Variants in CCDC141 observed in about 807,000 individuals in gnomAD.
The protein encoded by CCDC141 is coiled-coil domain containing 141.
Under a neutral mutation model 181.0 loss-of-function variants are expected in CCDC141, and 168 were observed. That is an observed-to-expected ratio of 0.93 (90% CI 0.82 to 1.05). The LOEUF is 1.05. CCDC141 is among the 50% of genes least tolerant of loss of function. The probability of loss-of-function intolerance (pLI) is 0.00; values close to 1 mark genes in which losing one functional copy is unlikely to be tolerated. For synonymous variants in CCDC141, 666 were observed against 642.3 expected, an observed-to-expected ratio of 1.04 and a Z score of -0.56; for missense variants, 1,902 against 1,788.5, an observed-to-expected ratio of 1.06 and a Z score of -1.14.
intron 21 of CCDC141, among the ~76,000 whole-genome samples, chr2:178,846,996 T>C (rs1684967138): frequency 6.6e-6 from 1 of 152,178 alleles, no homozygotes; most frequent in Admixed American, 6.5e-5. Flanking sequence ...AAAATAGACA[T>C]TTGCTCTCTT....
intron 5 of CCDC141, among the ~76,000 whole-genome samples, chr2:178,947,665 A>C (rs1049686725): frequency 3.3e-5 from 5 of 152,152 alleles, no homozygotes; most frequent in African/African-American, 1.2e-4. Flanking sequence ...GAGAAAAAGG[A>C]AAGTCAGCAA....
At chr2:178,985,934 A>C (rs1173559110) in intron 2 of CCDC141, among the ~76,000 whole-genome samples, 1 of 152,210 alleles carries the variant, frequency 6.6e-6, no homozygotes, top group Non-Finnish European at 1.5e-5. Flanking sequence ...TCCAATCAAT[A>C]GAAAAAGAGG....
At chr2:178,944,415 A>G (rs1558997498) in intron 6 of CCDC141, 120 bp downstream of exon 6, 1 of 455,028 alleles carries the variant, frequency 2.2e-6, no homozygotes, top group Non-Finnish European at 3.8e-6. Context: ...ATTTTTTTAC[A>G]TGAACAGTAG....
chr2:178,893,253 A>C (rs1575179568), intron 8 of CCDC141, among the ~76,000 whole-genome samples: 1 of 150,536 alleles, frequency 6.6e-6, no homozygotes, highest in Non-Finnish European at 1.5e-5. Flanking sequence ...GCACAGACGT[A>C]TTGACTTCTG....
chr2:178,961,320 C>A lies in CCDC141; in HGVS notation c.690G>T (p.Arg230Ser), dbSNP rs1690386295. 6.4e-7 allele frequency: 1 copy of A among 1,550,524 alleles called. No homozygotes were observed. The highest frequency in any genetic ancestry group is 8.7e-7 in the Non-Finnish European group (1 of 1,146,930). Residue 230 changes from arginine (R) to serine (S), a missense_variant, in exon 5 of 24, where the codon AGG becomes AGT. Transcript: ENST00000443758. ...TCAAGTACTTGTCTAGTTGTCTTCT[C>A]CTGTCTTGTAGAAGTTCAAGAAGGC... Reference protein sequence around the residue: ...VDRLLELLQDRRRQLDKYLKQ... With the variant: ...VDRLLELLQDSRRQLDKYLKQ...
At chr2:178,882,666 A>G (rs1312855601) in intron 11 of CCDC141, among the ~76,000 whole-genome samples, 1 of 152,070 alleles carries the variant, frequency 6.6e-6, no homozygotes, top group East Asian at 1.9e-4. Context: ...GAGAATTGCT[A>G]CCAAATGGGA....
intron 2 of CCDC141, among the ~76,000 whole-genome samples, chr2:179,014,037 G>A (rs1285206757): frequency 6.7e-6 from 1 of 148,478 alleles, no homozygotes; most frequent in African/African-American, 2.5e-5. Flanking sequence ...ATACTATAAG[G>A]CCATAGTCAC....
At chr2:178,816,589 T>C in the CCDC141 span, among the ~76,000 whole-genome samples, 711 of 152,226 alleles carry the variant, frequency 4.7e-3, 1 homozygote, top group Non-Finnish European at 7.4e-3. Flanking sequence ...ATGACAAGAG[T>C]ATGTTCAGTT....
At chr2:178,849,947 C>T in intron 21 of CCDC141, 102 bp downstream of exon 21, 3 of 654,694 alleles carry the variant, frequency 4.6e-6, no homozygotes, top group South Asian at 2.0e-5. Context: ...CATTATGTAC[C>T]CTGAGAAATT....
chr2:178,979,359 T>G (rs1159065809), intron 2 of CCDC141, among the ~76,000 whole-genome samples: 1 of 151,940 alleles, frequency 6.6e-6, no homozygotes, highest in Non-Finnish European at 1.5e-5. Flanking sequence ...ATGAATAAAT[T>G]CTAAAATATC....
chr2:178,842,220 C>T (rs1306023348), intron 22 of CCDC141, among the ~76,000 whole-genome samples: 1 of 152,216 alleles, frequency 6.6e-6, no homozygotes, highest in East Asian at 1.9e-4. Flanking sequence ...CATAGCTCAA[C>T]TCTCAATCTG....
chr2:178,852,191 T>G (rs901724784), intron 20 of CCDC141, among the ~76,000 whole-genome samples: 1 of 152,186 alleles, frequency 6.6e-6, no homozygotes, highest in Non-Finnish European at 1.5e-5. Context: ...GCCAGGAATA[T>G]AAACAAAGCC....
At chr2:178,929,956 C>T (rs923441617) in intron 6 of CCDC141, among the ~76,000 whole-genome samples, 1 of 152,050 alleles carries the variant, frequency 6.6e-6, no homozygotes, top group Non-Finnish European at 1.5e-5. Flanking sequence ...CTAGAATACA[C>T]TGAAGTAGCA....
intron 4 of CCDC141, among the ~76,000 whole-genome samples, chr2:178,965,102 G>A (rs1163848318): frequency 6.6e-6 from 1 of 152,178 alleles, no homozygotes; most frequent in Admixed American, 6.5e-5. Flanking sequence ...TTCCAAATGA[G>A]TACTTTCTAA....
the CCDC141 span, among the ~76,000 whole-genome samples, chr2:178,816,884 G>C: frequency 6.6e-6 from 1 of 152,170 alleles, no homozygotes; most frequent in Non-Finnish European, 1.5e-5. Context: ...CTCATTCCCT[G>C]AGTAAATCAT....
intron 6 of CCDC141, among the ~76,000 whole-genome samples, chr2:178,933,139 G>A (rs6761779): frequency 0.98 from 148,644 of 152,280 alleles, 72,642 homozygotes; most frequent in Middle Eastern, 1. Context: ...TTAATCTTGA[G>A]GCTGAGATAC....
intron 2 of CCDC141, among the ~76,000 whole-genome samples, chr2:179,020,899 T>C (rs1465079683): frequency 6.6e-6 from 1 of 152,146 alleles, no homozygotes; most frequent in Non-Finnish European, 1.5e-5. Context: ...TAAATGTTGA[T>C]GGAATAAATA....
chr2:178,987,664 G>A lies in CCDC141; in HGVS notation c.226-8989C>T, dbSNP rs1691820686. On this transcript the variant is annotated intron_variant, in intron 2 of 23. Coordinates refer to ENST00000443758, the MANE Select transcript of CCDC141 (RefSeq NM_173648.4). ...CCATCAAAAAGTGGGCGAAGGACAT[G>A]AACAGACACTTCTCAAAAGAAGACA... Among the ~76,000 whole-genome samples the A allele has an allele frequency of 7.3e-5, 11 of 150,034 alleles. No homozygotes were observed. In the South Asian group the frequency reaches 2.4e-3, roughly 33 times the overall value.
intron 5 of CCDC141, among the ~76,000 whole-genome samples, chr2:178,952,352 G>A (rs1689983846): frequency 6.6e-6 from 1 of 152,182 alleles, no homozygotes; most frequent in African/African-American, 2.4e-5. Flanking sequence ...GCCAAGCTGT[G>A]CTCAAAGCAT....
Sources: gnomAD v4.1 joint callset for allele counts (sites outside exome capture counted in the v4.1 genomes callset) on GRCh38, gnomAD v4.1.1 for gene constraint, MANE v1.5 for transcripts, NCBI Gene and HGNC (gene_info 2026-07-23, HGNC 2026-07-21) for gene names.